PRAG1: variants seen among roughly 807,000 people sequenced by gnomAD.
The protein encoded by PRAG1 is PEAK1 related, kinase-activating pseudokinase 1, also known as inactive tyrosine-protein kinase PRAG1.
In PRAG1, 110 loss-of-function variants were observed where a neutral mutation model predicts 95.6. The ratio of observed to expected loss-of-function variants is 1.15; its 90% CI spans 0.99 to 1.35. The LOEUF (loss-of-function observed/expected upper bound fraction) is 1.35, where lower values mean the gene tolerates loss of function less well. PRAG1 is among the 40% of genes most tolerant of loss of function. The probability of loss-of-function intolerance (pLI) is 0.00; values close to 1 mark genes in which losing one functional copy is unlikely to be tolerated. For synonymous variants in PRAG1, 1,052 were observed against 819.4 expected, an observed-to-expected ratio of 1.28 and a Z score of -4.85; for missense variants, 2,554 against 1,864.7, an observed-to-expected ratio of 1.37 and a Z score of -6.81.
rs1446842544 is a variant in PRAG1 at position 8,339,571 on chromosome 8, T to C, written c.2227A>G (p.Ser743Gly). The C allele has an allele frequency of 9.3e-6, 15 of 1,614,066 alleles. No individual in the cohort carries two copies. Among genetic ancestry groups the C allele is most frequent in the Non-Finnish European group, 1.2e-5 (14 of 1,180,026 alleles). The change falls in exon 4 of 6, where the codon AGC (serine) becomes GGC (glycine). Residue 743 changes from serine (S) to glycine (G), a missense_variant. Coordinates refer to ENST00000615670, the MANE Select transcript of PRAG1 (RefSeq NM_001080826.3). Reference sequence around the variant, plus strand: ...ACACCCCTGAAGGATGGGCTGAGGCTTTCTGCAGAGCCCTGGCTCACTTTT... The same window carrying C: ...ACACCCCTGAAGGATGGGCTGAGGCCTTCTGCAGAGCCCTGGCTCACTTTT... Reference protein sequence around the residue: ...LEKVSQGSAESLSPSFRGVHV... With the variant: ...LEKVSQGSAEGLSPSFRGVHV...
At chr8:8,367,845 G>C (rs905544398) in intron 3 of PRAG1, among the ~76,000 whole-genome samples, 1 of 152,010 alleles carries the variant, frequency 6.6e-6, no homozygotes, top group South Asian at 2.1e-4. Flanking sequence ...GTTTCACCAC[G>C]TTAGCCAGGA....
At position 8,318,006 on chromosome 8, in the gene PRAG1, T is replaced by C. The variant is rs1798330821; in HGVS notation, c.*148A>G. 3.6e-6 allele frequency: 2 copies of C among 561,462 alleles called. No individual in the cohort carries two copies. The highest frequency in any genetic ancestry group is 2.7e-6 in the Non-Finnish European group (1 of 367,248). 34.8% of individuals were successfully genotyped at this position (561,462 alleles called of 1,614,324 possible). A position where few individuals can be genotyped will look rare whatever the true frequency, so the allele number is the denominator to read the frequency against. On this transcript the variant is annotated 3_prime_UTR_variant, in exon 6 of 6. Transcript: ENST00000615670. This position sits in a 1 kb window ranked among gnomAD's most constrained non-coding sequence, Gnocchi z 4.2. ...GTCTTTCATATTTATATATGGTATA[T>C]GTATTTTCTATATATATATTTATAT...
At chr8:8,350,224 T>C (rs958955622) in intron 3 of PRAG1, among the ~76,000 whole-genome samples, 1 of 152,216 alleles carries the variant, frequency 6.6e-6, no homozygotes, top group African/African-American at 2.4e-5. Flanking sequence ...GGAGTGAGGA[T>C]GGCAGATGTT....
At chr8:8,375,404 G>A (rs990106133) in intron 3 of PRAG1, among the ~76,000 whole-genome samples, 4 of 151,888 alleles carry the variant, frequency 2.6e-5, no homozygotes, top group African/African-American at 9.7e-5. Flanking sequence ...GGGTTTCACT[G>A]TGTTAGCCAG....
intron 2 of PRAG1, 136 bp from the exon 3 acceptor site, chr8:8,378,214 G>A: frequency 1.0e-6 from 1 of 996,814 alleles, no homozygotes; most frequent in South Asian, 1.9e-5. Flanking sequence ...CTGGGGCCGG[G>A]GACTCAGTGC....
intron 3 of PRAG1, among the ~76,000 whole-genome samples, chr8:8,371,869 C>T (rs943963885): frequency 7.9e-5 from 12 of 152,026 alleles, no homozygotes; most frequent in Non-Finnish European, 4.4e-5. Context: ...TGTCTCAAAA[C>T]GAAACACACA....
chr8:8,351,066 A>C (rs1799505130), intron 3 of PRAG1, among the ~76,000 whole-genome samples: 1 of 152,142 alleles, frequency 6.6e-6, no homozygotes, highest in Admixed American at 6.5e-5. Flanking sequence ...AATACCTGGG[A>C]CTGGGTAATG....
chr8:8,373,886 ACT>A (rs566097075), intron 3 of PRAG1, among the ~76,000 whole-genome samples: 44 of 151,672 alleles, frequency 2.9e-4, no homozygotes, highest in African/African-American at 1.1e-3. Flanking sequence ...GGCCGAAAAA[ACT>A]CTGATCTCAA....
intron 3 of PRAG1, among the ~76,000 whole-genome samples, chr8:8,373,454 A>ATTGTTTTTTTTTTTTTTTT (rs1470559658): frequency 1.3e-3 from 183 of 138,258 alleles, no homozygotes; most frequent in South Asian, 2.2e-3. Context: ...TATTTTCTAG[A>ATTGTTTTTTTTTTTTTTTT]TTTTTTTTTT....
chr8:8,338,444 C>T (rs1394955116), intron 4 of PRAG1, among the ~76,000 whole-genome samples: 1 of 152,190 alleles, frequency 6.6e-6, no homozygotes, highest in South Asian at 2.1e-4. Flanking sequence ...ATGCACTGCC[C>T]TCTATGGAAT....
intron 3 of PRAG1, among the ~76,000 whole-genome samples, chr8:8,361,165 A>C (rs977656859): frequency 1.3e-5 from 2 of 152,220 alleles, no homozygotes; most frequent in African/African-American, 4.8e-5. Flanking sequence ...TACAAAGTCA[A>C]TGTCCCCCTC....
intron 3 of PRAG1, among the ~76,000 whole-genome samples, chr8:8,341,938 G>A (rs921501505): frequency 2.0e-5 from 3 of 151,994 alleles, no homozygotes; most frequent in African/African-American, 7.2e-5. Context: ...TTCGAGACCG[G>A]CCTGGCCAAC....
chr8:8,322,595 A>T (rs894086492), intron 5 of PRAG1, among the ~76,000 whole-genome samples: 21 of 152,132 alleles, frequency 1.4e-4, no homozygotes, highest in Non-Finnish European at 1.5e-4. Flanking sequence ...GACATGCCTC[A>T]TGCTACCCTC....
In PRAG1 at chr8:8,377,904, G is replaced by C. The variant is rs1800483014; in HGVS notation, c.505C>G (p.Pro169Ala). The change falls in exon 3 of 6, where the codon CCC becomes GCC. Residue 169 changes from proline (P) to alanine (A), a missense_variant. Transcript: ENST00000615670. ...YTMVGLHNLE[P>A]RGERNIAFHP... ...AAGGCAATGTTCCTCTCGCCGCGGGGCTCAAGGTTGTGCAGGCCGACCATG... is the reference window on the plus strand; with the variant it reads ...AAGGCAATGTTCCTCTCGCCGCGGGCCTCAAGGTTGTGCAGGCCGACCATG... 4 of 1,613,984 alleles carry C rather than the reference G, an allele frequency of 2.5e-6. No individual in the cohort carries two copies. In the Admixed American group the frequency reaches 5.0e-5, roughly 20 times the overall value.
chr8:8,385,331 C>T (rs1429478834), intron 1 of PRAG1, among the ~76,000 whole-genome samples: 1 of 152,206 alleles, frequency 6.6e-6, no homozygotes, highest in Non-Finnish European at 1.5e-5. Context: ...TTACGATATT[C>T]ACCCAACTTT....
chr8:8,368,841 A>G (rs1800098143), intron 3 of PRAG1, among the ~76,000 whole-genome samples: 1 of 152,098 alleles, frequency 6.6e-6, no homozygotes, highest in African/African-American at 2.4e-5. Context: ...TGGTGGAAAA[A>G]AAAAAGTGTT....
At chr8:8,340,744 GT>G (rs1367873651) in intron 3 of PRAG1, among the ~76,000 whole-genome samples, 1 of 152,150 alleles carries the variant, frequency 6.6e-6, no homozygotes, top group African/African-American at 2.4e-5. Flanking sequence ...AGGGTTTAAA[GT>G]TTGTTCGCTA....
intron 3 of PRAG1, among the ~76,000 whole-genome samples, chr8:8,364,148 T>G (rs1799933756): frequency 6.6e-6 from 1 of 152,228 alleles, no homozygotes; most frequent in Non-Finnish European, 1.5e-5. Context: ...ATTTAACAGC[T>G]GTTTAATAGC....
chr8:8,379,329 C>T (rs149639238), intron 2 of PRAG1, among the ~76,000 whole-genome samples: 29 of 152,276 alleles, frequency 1.9e-4, no homozygotes, highest in African/African-American at 6.5e-4. Context: ...CTGAAGTCAC[C>T]GTTTCCTCCT....
Sources: allele counts gnomAD v4.1 joint callset (sites outside exome capture counted in the v4.1 genomes callset), GRCh38; gene constraint gnomAD v4.1.1; non-coding constraint Gnocchi (gnomAD v3.1); transcripts MANE v1.5; gene names NCBI Gene and HGNC (gene_info 2026-07-23, HGNC 2026-07-21).